Variants in TEAD1 observed in about 807,000 individuals in gnomAD.
TEAD1 encodes the protein TEA domain transcription factor 1.
Under a neutral mutation model 54.9 loss-of-function variants are expected in TEAD1, and 9 were observed. The observed-to-expected ratio is 0.16, with a 90% CI of 0.10 to 0.29. The LOEUF (loss-of-function observed/expected upper bound fraction) is 0.29. Ranked by LOEUF, TEAD1 falls within the 10% of genes least tolerant of loss-of-function variation. The probability of loss-of-function intolerance (pLI) is 1.00; values close to 1 mark genes in which losing one functional copy is unlikely to be tolerated. For missense variants in TEAD1, 387 were observed against 535.9 expected (o/e 0.72, Z 2.74); for synonymous variants, 200 against 187.8 (o/e 1.07, Z -0.53).
intron 3 of TEAD1, among the ~76,000 whole-genome samples, chr11:12,804,635 C>T (rs112644543): frequency 6.6e-5 from 10 of 152,156 alleles, no homozygotes; most frequent in African/African-American, 1.7e-4. Flanking sequence ...TCTGCAGAAG[C>T]GAGTGTTACC....
At chr11:12,694,556 C>T (rs1457179415) in intron 2 of TEAD1, among the ~76,000 whole-genome samples, 1 of 152,144 alleles carries the variant, frequency 6.6e-6, no homozygotes, top group East Asian at 1.9e-4. Flanking sequence ...ATTTATTTTT[C>T]TCCTTTATGA....
intron 3 of TEAD1, among the ~76,000 whole-genome samples, chr11:12,791,023 C>G (rs961070829): frequency 1.3e-5 from 2 of 152,218 alleles, no homozygotes; most frequent in Admixed American, 6.5e-5. Context: ...AAACATATGT[C>G]CACGCAAAGA....
chr11:12,720,137 G>A (rs1038330539), intron 2 of TEAD1, among the ~76,000 whole-genome samples: 6 of 151,554 alleles, frequency 4.0e-5, no homozygotes, highest in Non-Finnish European at 8.8e-5. Context: ...CAGGAATAAT[G>A]TCTATGGCAT....
At chr11:12,810,531 A>G (rs1300447473) in intron 3 of TEAD1, among the ~76,000 whole-genome samples, 1 of 152,094 alleles carries the variant, frequency 6.6e-6, no homozygotes, top group African/African-American at 2.4e-5. Context: ...TCTCTTGCTG[A>G]GACACATCCT....
chr11:12,872,449 G>A (rs1947769163), intron 5 of TEAD1, among the ~76,000 whole-genome samples: 1 of 152,174 alleles, frequency 6.6e-6, no homozygotes, highest in African/African-American at 2.4e-5. Context: ...TTGCATTTAT[G>A]ACATATACGC....
At chr11:12,912,832 A>T (rs1454337533) in intron 10 of TEAD1, among the ~76,000 whole-genome samples, 1 of 152,088 alleles carries the variant, frequency 6.6e-6, no homozygotes, top group African/African-American at 2.4e-5. Flanking sequence ...ACCTGGAGGA[A>T]TTCATTCCAA....
intron 5 of TEAD1, among the ~76,000 whole-genome samples, chr11:12,873,588 C>T (rs1161038926): frequency 1.3e-5 from 2 of 152,174 alleles, no homozygotes; most frequent in African/African-American, 2.4e-5. Context: ...TATTAGGCAG[C>T]GAGTCAGGAG....
chr11:12,907,904 AT>A (rs1948547878), intron 10 of TEAD1, among the ~76,000 whole-genome samples: 1 of 152,196 alleles, frequency 6.6e-6, no homozygotes, highest in South Asian at 2.1e-4. Flanking sequence ...CCATCCCAAC[AT>A]AGCTTCACTT....
chr11:12,717,429 A>G (rs1310856179), intron 2 of TEAD1, among the ~76,000 whole-genome samples: 1 of 152,208 alleles, frequency 6.6e-6, no homozygotes, highest in African/African-American at 2.4e-5. Context: ...TGTAAGGTGG[A>G]CAGTGGAATT....
intron 3 of TEAD1, among the ~76,000 whole-genome samples, chr11:12,781,951 CAAAAAAA>C (rs71454001): frequency 1.2e-4 from 8 of 65,422 alleles, no homozygotes; most frequent in Middle Eastern, 9.4e-3. Context: ...CTCGTCTGTA[CAAAAAAA>C]AAAAAAAAAA....
chr11:12,851,316 A>G (rs911859393), intron 3 of TEAD1, among the ~76,000 whole-genome samples: 3 of 152,216 alleles, frequency 2.0e-5, no homozygotes, highest in African/African-American at 4.8e-5. Context: ...AATGTACAAC[A>G]TAAGGACTAT....
chr11:12,675,286 C>G (rs1003701371), intron 1 of TEAD1, 123 bp from the exon 2 acceptor site: 20 of 152,158 alleles, frequency 1.3e-4, no homozygotes, highest in Admixed American at 4.6e-4. Flanking sequence ...TTCGCCGCCG[C>G]CCCCCGGCGC....
At chr11:12,882,971 C>A in intron 8 of TEAD1, 30 bp from the exon 9 acceptor site, 1 of 1,614,076 alleles carries the variant, frequency 6.2e-7, no homozygotes. Context: ...GGTGAGTGAC[C>A]AGCATCAAAG....
chr11:12,924,398 T>A (rs2134162319), intron 10 of TEAD1, among the ~76,000 whole-genome samples: 1 of 152,370 alleles, frequency 6.6e-6, no homozygotes, highest in African/African-American at 2.4e-5. Flanking sequence ...AATAAAAATG[T>A]GTTAAATGAA....
intron 3 of TEAD1, among the ~76,000 whole-genome samples, chr11:12,770,440 C>A (rs1945291085): frequency 6.6e-6 from 1 of 152,164 alleles, no homozygotes; most frequent in Non-Finnish European, 1.5e-5. Flanking sequence ...ATTCATAAAT[C>A]ATTTATTGAG....
intron 2 of TEAD1, among the ~76,000 whole-genome samples, chr11:12,762,339 CTA>C (rs997299168): frequency 6.6e-6 from 1 of 151,230 alleles, no homozygotes; most frequent in Admixed American, 6.6e-5. Context: ...AGAACAGACT[CTA>C]GAGTATAGTT....
At position 12,761,767 on chromosome 11, in the gene TEAD1, G is replaced by A. The variant is rs542194228; in HGVS notation, c.-54-2412G>A. On this transcript the variant is annotated intron_variant, in intron 2 of 12. Transcript: ENST00000527636. ...CTGAAGGATGGGGTATACTCTCAAG[G>A]AATGGATGTGTAGATGTTAACCAGG... Among the ~76,000 whole-genome samples the A allele has an allele frequency of 5.9e-5, 9 of 152,318 alleles. No homozygotes were observed. In the South Asian group the frequency reaches 1.9e-3, roughly 32 times the overall value.
chr11:12,869,011 G>A (rs1222270832), intron 5 of TEAD1, among the ~76,000 whole-genome samples: 1 of 152,206 alleles, frequency 6.6e-6, no homozygotes, highest in African/African-American at 2.4e-5. Context: ...GTTGAAGGCA[G>A]AGAATTTCCA....
intron 9 of TEAD1, among the ~76,000 whole-genome samples, chr11:12,892,943 G>C (rs1290231139): frequency 6.6e-6 from 1 of 152,172 alleles, no homozygotes; most frequent in East Asian, 1.9e-4. Flanking sequence ...GTGCAGCTCT[G>C]TGTGGCCTGG....
Sources: allele counts gnomAD v4.1 joint callset (sites outside exome capture counted in the v4.1 genomes callset), GRCh38; gene constraint gnomAD v4.1.1; transcripts MANE v1.5; gene names NCBI Gene and HGNC (gene_info 2026-07-23, HGNC 2026-07-21).